The following HEY1 variants were observed in gnomAD, a reference collection of about 807,000 sequenced individuals.
HEY1 encodes the protein hairy/enhancer-of-split related with YRPW motif protein 1.
HEY1 carries 9 observed loss-of-function variants against 28.7 expected under a neutral mutation model. That is an observed-to-expected ratio of 0.31 (90% CI 0.19 to 0.55). The LOEUF (loss-of-function observed/expected upper bound fraction) is 0.55. HEY1 is among the 20% of genes least tolerant of loss of function. The pLI is 0.93. For synonymous variants in HEY1, 213 were observed against 175.6 expected (o/e 1.21, Z -1.68); for missense variants, 385 against 399.4 (o/e 0.96, Z 0.31).
At position 79,767,556 on chromosome 8, in the gene HEY1, T is replaced by TCCG. The variant is rs761633856; in HGVS notation, c.89+16_89+18dup. 4.4e-6 allele frequency: 7 copies of TCCG among 1,588,832 alleles called. No homozygotes were observed. The highest frequency in any genetic ancestry group is 4.1e-5 in the African/African-American group (3 of 73,914). On this transcript the variant is annotated intron_variant, in intron 1 of 4. Coordinates refer to ENST00000354724, the MANE Select transcript of HEY1 (RefSeq NM_012258.4). The stretch of plus-strand genomic sequence containing the variant: ...GCCTCCCGCTCTGGCTCGGCTCCGC[T>TCCG]CCGCCGCCGCCAGCTCACCCATTCT...
Position 79,765,272 on chromosome 8 carries a change from A to G in HEY1, c.831T>C (p.Asn277=). Residue 277 remains asparagine (N), a synonymous_variant, in exon 5 of 5, where the codon AAT becomes AAC. Transcript: ENST00000354724. ...GCGTGGGTGCTGAAGGGCTCAGTGC[A>G]TTGGGAGACAGTAAGTGGAAGGAGC... The part of the protein sequence containing the change: ...SFGSFHLLSP[N]ALSPSAPTQA... The G allele has an allele frequency of 1.3e-6, 2 of 1,555,234 alleles. No individual in the cohort carries two copies. Among genetic ancestry groups the G allele is most frequent in the Non-Finnish European group, 1.7e-6 (2 of 1,148,504 alleles).
chr8:79,766,504 G>C (rs1807841703), intron 4 of HEY1, 147 bp downstream of exon 4: 1 of 1,511,006 alleles, frequency 6.6e-7, no homozygotes, highest in Admixed American at 2.2e-5. Flanking sequence ...ATTCGAAAAT[G>C]TACTGACAGG....
intron 4 of HEY1, chr8:79,766,373 T>TG (rs1427498241): frequency 1.4e-6 from 2 of 1,467,468 alleles, no homozygotes. Context: ...CTACCTGATC[T>TG]GAATCAGGGC....
chr8:79,764,353 T>C lies in HEY1; in HGVS notation c.*835A>G, dbSNP rs887559529. 2 of 226,440 alleles carry C rather than the reference T, an allele frequency of 8.8e-6. No individual in the cohort carries two copies. The highest frequency in any genetic ancestry group is 4.4e-5 in the African/African-American group (2 of 44,964). The allele number at this position is 226,440 out of a possible 1,614,324, so 14.0% of individuals were successfully genotyped here. ...CCATGATCACTTATCCATGTTAACA[T>C]TTGTGAATTTGAGATCCGTGTGATT... On this transcript the variant is annotated 3_prime_UTR_variant, in exon 5 of 5. Transcript: ENST00000354724.
In HEY1 at chr8:79,767,595, C is replaced by G. The variant is rs760415849; in HGVS notation, c.69G>C (p.Lys23Asn). 7.5e-6 allele frequency: 12 copies of G among 1,610,182 alleles called. No homozygotes were observed. Among genetic ancestry groups the G allele is most frequent in the Non-Finnish European group, 9.3e-6 (11 of 1,178,792 alleles). ...SELDETIEVE[K>N]ESADENGNLS... ...CTCACCCATTCTCGTCCGCACTCTCCTTCTCCACCTCGATGGTCTCGTCCA... is the reference window on the plus strand; with the variant it reads ...CTCACCCATTCTCGTCCGCACTCTCGTTCTCCACCTCGATGGTCTCGTCCA... The change falls in exon 1 of 5, where the codon AAG (lysine) becomes AAC (asparagine). Residue 23 changes from lysine to asparagine, a missense_variant. Transcript: ENST00000354724.
chr8:79,767,170 T>C (rs915278876), intron 2 of HEY1, 49 bp downstream of exon 2: 2 of 1,589,706 alleles, frequency 1.3e-6, no homozygotes, highest in Non-Finnish European at 1.7e-6. Flanking sequence ...AAGGTGGTTA[T>C]TTCCGTTAAT....
In HEY1 at chr8:79,765,324, G is replaced by A. The variant is rs1236683834; in HGVS notation, c.779C>T (p.Ser260Phe). 1.9e-6 allele frequency: 3 copies of A among 1,567,144 alleles called. No homozygotes were observed. The Admixed American group carries it at 5.8e-5, about 30-fold the overall frequency. Residue 260 changes from serine to phenylalanine, a missense_variant, in exon 5 of 5, where the codon TCC becomes TTC. This residue lies in a region of HEY1 where 223 missense variants were observed against 215.9 expected (regional missense o/e 1.03). Transcript: ENST00000354724. Reference sequence around the variant, plus strand: ...GAAAGAGAAGGGGAAGGCCGACAGGGAGGCCACTGAGGAGAGCAGAGGCGG... The same window carrying A: ...GAAAGAGAAGGGGAAGGCCGACAGGAAGGCCACTGAGGAGAGCAGAGGCGG... ...LSPPLLSSVA[S>F]LSAFPFSFGS...
Position 79,767,266 on chromosome 8 carries a change from A to T in HEY1, c.118T>A (p.Ser40Thr), listed in dbSNP as rs1255957770. Residue 40 changes from serine (S) to threonine (T), a missense_variant, in exon 2 of 5, where the codon TCC becomes ACC. Coordinates refer to ENST00000354724, the MANE Select transcript of HEY1 (RefSeq NM_012258.4). ...AAAATCTGGGAAGATGTAGTTGGGG[A>T]CATGGAACCTAGAGCCGAACTCAAG... Reference protein sequence around the residue: ...GNLSSALGSMSPTTSSQILAR... With the variant: ...GNLSSALGSMTPTTSSQILAR... The T allele has an allele frequency of 3.2e-5, 52 of 1,613,992 alleles. No individual in the cohort carries two copies. Among genetic ancestry groups the T allele is most frequent in the Non-Finnish European group, 4.4e-5 (52 of 1,179,922 alleles).
Position 79,765,397 on chromosome 8 carries a change from T to TGCC in HEY1, c.703_705dup (p.Gly235dup). 6.2e-7 allele frequency: 1 copy of TGCC among 1,606,186 alleles called. No homozygotes were observed. The highest frequency in any genetic ancestry group is 8.5e-7 in the Non-Finnish European group (1 of 1,176,384). ...ACCACAGGGAGCACCGGTCCGAGGC[T>TGCC]GCCGCTAGGGGGCGCTCGCAAAGCA... On this transcript the variant is annotated inframe_insertion, in exon 5 of 5. Coordinates refer to ENST00000354724, the MANE Select transcript of HEY1 (RefSeq NM_012258.4).
intron 4 of HEY1, 126 bp downstream of exon 4, chr8:79,766,525 C>CACCA: frequency 6.5e-7 from 1 of 1,535,072 alleles, no homozygotes; most frequent in Non-Finnish European, 8.7e-7. Flanking sequence ...GAACTGCACA[C>CACCA]ACCACACACC....
At position 79,767,273 on chromosome 8, in the gene HEY1, A is replaced by G. The variant is rs376094864; in HGVS notation, c.111T>C (p.Gly37=). Residue 37 remains glycine (G), a synonymous_variant, in exon 2 of 5, where the codon GGT becomes GGC. Coordinates refer to ENST00000354724, the MANE Select transcript of HEY1 (RefSeq NM_012258.4). ...GGGAAGATGTAGTTGGGGACATGGAACCTAGAGCCGAACTCAAGTTTCTGA... is the reference window on the plus strand; with the variant it reads ...GGGAAGATGTAGTTGGGGACATGGAGCCTAGAGCCGAACTCAAGTTTCTGA... ...DENGNLSSAL[G]SMSPTTSSQI... 1.1e-5 allele frequency: 17 copies of G among 1,612,912 alleles called. No individual in the cohort carries two copies. The African/African-American group carries it at 2.0e-4, about 19-fold the overall frequency.
At chr8:79,765,807 T>C in intron 4 of HEY1, 36 bp from the exon 5 acceptor site, 2 of 1,552,528 alleles carry the variant, frequency 1.3e-6, no homozygotes, top group South Asian at 2.4e-5. Context: ...CTCAGGGCTT[T>C]GCCCGTTTCC....
intron 4 of HEY1, chr8:79,766,174 T>C (rs560852174): frequency 1.0e-5 from 15 of 1,506,826 alleles, no homozygotes; most frequent in African/African-American, 1.4e-5. Context: ...AGTAAAGCAT[T>C]TTCCTGCTGG....
Position 79,765,069 on chromosome 8 carries a change from T to A in HEY1, c.*119A>T. On this transcript the variant is annotated 3_prime_UTR_variant, in exon 5 of 5. Transcript: ENST00000354724. ...AAACCTTTAGTCTTTAAAAAAAAAATTATCTGAAAGTGTACCTTTTTCCTT... is the reference window on the plus strand; with the variant it reads ...AAACCTTTAGTCTTTAAAAAAAAAAATATCTGAAAGTGTACCTTTTTCCTT... The A allele has an allele frequency of 6.3e-6, 4 of 636,538 alleles. No individual in the cohort carries two copies. The highest frequency in any genetic ancestry group is 1.0e-5 in the Non-Finnish European group (4 of 401,978). 39.4% of individuals were successfully genotyped at this position (636,538 alleles called of 1,614,324 possible).
rs549210651 is a variant in HEY1 at position 79,765,047 on chromosome 8, C to G, written c.*141G>C. 8.9e-5 allele frequency: 51 copies of G among 573,516 alleles called. 1 individual carries two copies. In the South Asian group the frequency reaches 1.7e-3, roughly 19 times the overall value. The allele number at this position is 573,516 out of a possible 1,614,324, so 35.5% of individuals were successfully genotyped here. A position where few individuals can be genotyped will look rare whatever the true frequency, so the allele number is the denominator to read the frequency against. Reference sequence around the variant, plus strand: ...AAAAAGATAAAAGTAAACCAACAAACCTTTAGTCTTTAAAAAAAAAATTAT... The same window carrying G: ...AAAAAGATAAAAGTAAACCAACAAAGCTTTAGTCTTTAAAAAAAAAATTAT... On this transcript the variant is annotated 3_prime_UTR_variant, in exon 5 of 5. Transcript: ENST00000354724.
rs1332342454 is a variant in HEY1 at position 79,764,425 on chromosome 8, T to G, written c.*763A>C. ...GGCTGGTAAATGCAGGCGTATTCTA[T>G]TCAATTACCTTCAGTTTCCTTTCCA... On this transcript the variant is annotated 3_prime_UTR_variant, in exon 5 of 5. Transcript: ENST00000354724. 8.9e-6 allele frequency: 2 copies of G among 225,904 alleles called. No homozygotes were observed. Among genetic ancestry groups the G allele is most frequent in the Non-Finnish European group, 1.8e-5 (2 of 113,480 alleles). The allele number at this position is 225,904 out of a possible 1,614,324, so 14.0% of individuals were successfully genotyped here.
chr8:79,766,922 A>G, intron 3 of HEY1, 87 bp downstream of exon 3: 1 of 1,313,594 alleles, frequency 7.6e-7, no homozygotes, highest in African/African-American at 1.5e-5. Flanking sequence ...CAACACAGCT[A>G]TTTTCCAAGG....
chr8:79,767,511 A>G (rs1270153003), intron 1 of HEY1, 64 bp downstream of exon 1: 9 of 1,486,530 alleles, frequency 6.1e-6, no homozygotes, highest in Non-Finnish European at 8.3e-6. Flanking sequence ...GCCCGCTGTC[A>G]CCGCGGCAGG....
intron 4 of HEY1, chr8:79,766,347 T>G (rs1585959822): frequency 6.7e-7 from 1 of 1,487,080 alleles, no homozygotes; most frequent in African/African-American, 1.4e-5. Context: ...AAAATAGCAA[T>G]GGACAAATGT....
Sources: gnomAD v4.1 joint callset for allele counts on GRCh38, gnomAD v4.1.1 for gene constraint, gnomAD v4.1.1 regional missense constraint, MANE v1.5 for transcripts, NCBI Gene and HGNC (gene_info 2026-07-23, HGNC 2026-07-21) for gene names.